The following NT5C2 variants were observed in gnomAD, a reference collection of about 807,000 sequenced individuals.
NT5C2 encodes the protein 5'-nucleotidase, cytosolic II.
A neutral mutation model predicts 76.1 loss-of-function variants in NT5C2; 58 were observed. The observed-to-expected ratio is 0.76, with a 90% CI of 0.62 to 0.95. The LOEUF (loss-of-function observed/expected upper bound fraction) is 0.95. Among genes scored for constraint, NT5C2 ranks in the 40% least tolerant of loss-of-function variants. The pLI is 0.00. For missense variants in NT5C2, 478 were observed against 690.3 expected (o/e 0.69, Z 3.45); for synonymous variants, 229 against 237.4 (o/e 0.96, Z 0.32).
chr10:103,184,327 C>T (rs1175782448), intron 1 of NT5C2, among the ~76,000 whole-genome samples: 1 of 152,198 alleles, frequency 6.6e-6, no homozygotes, highest in Non-Finnish European at 1.5e-5. Flanking sequence ...AACTGCACTA[C>T]ACATTCCTGT....
intron 3 of NT5C2, among the ~76,000 whole-genome samples, chr10:103,174,282 G>A (rs796924304): frequency 1.4e-4 from 22 of 152,300 alleles, no homozygotes; most frequent in African/African-American, 4.6e-4. Context: ...GGCCATGCCT[G>A]TAATCCCAGC....
rs902730159 is a variant in NT5C2 at position 103,088,277 on chromosome 10, A to C, written c.*1395T>G. On this transcript the variant is annotated 3_prime_UTR_variant, in exon 19 of 19. Transcript: ENST00000404739. ...AAGAGTCTATAACCACTGTTTGTTT[A>C]AAATGTTGAAACAACTTTCACTGTA... The C allele has an allele frequency of 6.6e-5, 10 of 152,258 alleles. No homozygotes were observed. The highest frequency in any genetic ancestry group is 2.2e-4 in the African/African-American group (9 of 41,470). The allele number at this position is 152,258 out of a possible 1,614,324, so 9.4% of individuals were successfully genotyped here.
At chr10:103,112,761 A>C (rs1170213309) in intron 4 of NT5C2, among the ~76,000 whole-genome samples, 1 of 152,226 alleles carries the variant, frequency 6.6e-6, no homozygotes, top group Non-Finnish European at 1.5e-5. Context: ...CAACCACCCA[A>C]GAATAGTCAT....
chr10:103,161,095 A>G (rs187432547), intron 3 of NT5C2, among the ~76,000 whole-genome samples: 4 of 152,370 alleles, frequency 2.6e-5, no homozygotes, highest in Non-Finnish European at 5.9e-5. Context: ...ATGCATCTGC[A>G]CTGGAAAATG....
At chr10:103,189,617 G>GA (rs1280251958) in intron 1 of NT5C2, among the ~76,000 whole-genome samples, 96 of 135,912 alleles carry the variant, frequency 7.1e-4, no homozygotes, top group Middle Eastern at 3.7e-3. Flanking sequence ...AAAAAAAAAC[G>GA]AAAAAAAAAA....
rs115945636 is a variant in NT5C2, at chr10:103,143,814, G to A, written c.102-4335C>T. ...CAACAAAAAATAAAAAATTAGCCAC[G>A]TGTAGTGGCACATGCCTATAGTCTC... On this transcript the variant is annotated intron_variant, in intron 3 of 18. Transcript: ENST00000404739. 4.2e-3 allele frequency among the ~76,000 whole-genome samples: 633 copies of A among 151,936 alleles called. 5 individuals carry two copies. The highest frequency in any genetic ancestry group is 0.015 in the African/African-American group (608 of 41,422).
chr10:103,120,022 C>T (rs969852577), intron 4 of NT5C2, among the ~76,000 whole-genome samples: 4 of 151,710 alleles, frequency 2.6e-5, no homozygotes, highest in Non-Finnish European at 5.9e-5. Flanking sequence ...TCACTTGAGC[C>T]TGGGAGGCAG....
At chr10:103,147,543 T>C (rs573777062) in intron 3 of NT5C2, among the ~76,000 whole-genome samples, 1 of 152,348 alleles carries the variant, frequency 6.6e-6, no homozygotes, top group Admixed American at 6.5e-5. Flanking sequence ...TGAAAGAAAC[T>C]GCATCAGCAA....
intron 1 of NT5C2, among the ~76,000 whole-genome samples, chr10:103,189,001 C>A (rs1289780600): frequency 6.8e-6 from 1 of 146,806 alleles, no homozygotes; most frequent in Non-Finnish European, 1.5e-5. Flanking sequence ...GACTCCGTCT[C>A]GGAAAAAAAA....
intron 6 of NT5C2, among the ~76,000 whole-genome samples, chr10:103,104,444 C>CTGAGTTATGA (rs1479657145): frequency 1.3e-5 from 2 of 152,150 alleles, no homozygotes; most frequent in African/African-American, 4.8e-5. Context: ...CATTGAGATT[C>CTGAGTTATGA]TGAGTTATGA....
At chr10:103,115,045 G>C (rs1278970856) in intron 4 of NT5C2, among the ~76,000 whole-genome samples, 1 of 152,232 alleles carries the variant, frequency 6.6e-6, no homozygotes, top group Non-Finnish European at 1.5e-5. Context: ...GCAGAAAGGA[G>C]ATAATGAATC....
chr10:103,137,840 A>G (rs2079585120), intron 4 of NT5C2, among the ~76,000 whole-genome samples: 1 of 152,234 alleles, frequency 6.6e-6, no homozygotes, highest in Non-Finnish European at 1.5e-5. Flanking sequence ...TCTTTCAAAT[A>G]TATCTTAGAG....
intron 12 of NT5C2, 148 bp from the exon 13 acceptor site, chr10:103,094,603 G>A (rs1329982205): frequency 1.6e-6 from 1 of 612,262 alleles, no homozygotes; most frequent in African/African-American, 1.8e-5. Context: ...TATTGTGTCA[G>A]CCAGGCACAG....
intron 3 of NT5C2, among the ~76,000 whole-genome samples, chr10:103,170,967 T>G (rs542137216): frequency 6.6e-6 from 1 of 152,198 alleles, no homozygotes; most frequent in East Asian, 1.9e-4. Flanking sequence ...AGAAAAAGTA[T>G]AGAACTCCAT....
Position 103,095,950 on chromosome 10 carries a change from G to A in NT5C2, c.802C>T (p.His268Tyr). 2.5e-6 allele frequency: 4 copies of A among 1,613,420 alleles called. No individual in the cohort carries two copies. Among genetic ancestry groups the A allele is most frequent in the African/African-American group, 1.3e-5 (1 of 75,008 alleles). The change falls in exon 12 of 19, where the codon CAT (histidine) becomes TAT (tyrosine). Residue 268 changes from histidine (H) to tyrosine (Y), a missense_variant. Physicochemically the swap from His to Tyr is moderately conservative, Grantham distance 83. Transcript: ENST00000404739. ...GTCACATACGGTACCTTGGGGCCAT[G>A]TGGGAAGTCAAACAGGTAAGTCATA... ...KIMTYLFDFP[H>Y]GPKPGSSHRP... is the part of the protein sequence containing the mutation.
In NT5C2 at chr10:103,099,934, G is replaced by GGTTGTT; in HGVS notation, c.624_625insAACAAC (p.Val208_His209insAsnAsn). The GGTTGTT allele has an allele frequency of 6.2e-7, 1 of 1,607,338 alleles. No homozygotes were observed. Among genetic ancestry groups the GGTTGTT allele is most frequent in the Non-Finnish European group, 8.5e-7 (1 of 1,174,154 alleles). On this transcript the variant is annotated inframe_insertion, in exon 9 of 19. Coordinates refer to ENST00000404739, the MANE Select transcript of NT5C2 (RefSeq NM_001351169.2). ...AAACAGCTTCTAGGTACCTTGTAAT[G>GGTTGTT]AACCCAGTCAACAGCATCTCTTACA...
intron 15 of NT5C2, among the ~76,000 whole-genome samples, chr10:103,092,759 C>G (rs528849122): frequency 6.6e-6 from 1 of 152,106 alleles, no homozygotes; most frequent in Admixed American, 6.5e-5. Context: ...GCCATCACTG[C>G]CCCAGAATCA....
At chr10:103,104,747 C>T (rs559803044) in intron 6 of NT5C2, among the ~76,000 whole-genome samples, 264 of 152,262 alleles carry the variant, frequency 1.7e-3, no homozygotes, top group African/African-American at 5.6e-3. Context: ...GACCTCAAAT[C>T]TAAAGGAAGC....
At position 103,174,827 on chromosome 10, in the gene NT5C2, G is replaced by A. The variant is rs200882170; in HGVS notation, c.101+31C>T. On this transcript the variant is annotated intron_variant, in intron 3 of 18. Transcript: ENST00000404739. ...AAATGAAGTCCCACTTCATAGAGGG[G>A]TTTTGAGGATTAAATAGACAAAATA... is the stretch of plus-strand genomic sequence containing the variant. 2.8e-6 allele frequency: 4 copies of A among 1,421,810 alleles called. No homozygotes were observed. The South Asian group carries it at 3.4e-5, about 12-fold the overall frequency. 88.1% of individuals were successfully genotyped at this position (1,421,810 alleles called of 1,614,324 possible). A position where few individuals can be genotyped will look rare whatever the true frequency, so the allele number is the denominator to read the frequency against.
Sources: allele counts gnomAD v4.1 joint callset (sites outside exome capture counted in the v4.1 genomes callset), GRCh38; gene constraint gnomAD v4.1.1; transcripts MANE v1.5; gene names NCBI Gene and HGNC (gene_info 2026-07-23, HGNC 2026-07-21).